Variants in ZNF831 observed in about 807,000 individuals in gnomAD.
The protein encoded by ZNF831 is zinc finger protein 831, also known as chromosome 20 open reading frame 174.
Under a neutral mutation model 95.8 loss-of-function variants are expected in ZNF831, and 59 were observed. The observed-to-expected ratio is 0.62, with a 90% confidence interval of 0.50 to 0.77. The LOEUF is 0.77. ZNF831 is among the 30% of genes least tolerant of loss of function. The pLI is 0.00. For synonymous variants in ZNF831, 961 were observed against 925.5 expected, an observed-to-expected ratio of 1.04 and a Z score of -0.70; for missense variants, 2,205 against 2,164.0, an observed-to-expected ratio of 1.02 and a Z score of -0.38.
chr20:59,133,527 C>G (rs542312658), intron 1 of ZNF831, among the ~76,000 whole-genome samples: 138 of 152,320 alleles, frequency 9.1e-4, no homozygotes, highest in African/African-American at 3.2e-3. Context: ...TGGCCCTGCC[C>G]ATGGGCAGAA....
chr20:59,223,674 A>G (rs1301913688), intron 4 of ZNF831, among the ~76,000 whole-genome samples: 1 of 152,212 alleles, frequency 6.6e-6, no homozygotes, highest in Non-Finnish European at 1.5e-5. Flanking sequence ...AAATATATCT[A>G]GAATTTGAAA....
intron 1 of ZNF831, among the ~76,000 whole-genome samples, chr20:59,130,153 G>A (rs1029207062): frequency 1.3e-5 from 2 of 152,138 alleles, no homozygotes; most frequent in African/African-American, 4.8e-5. Context: ...CTGGCACTTG[G>A]TAAGAAGCTG....
At chr20:59,226,768 T>G (rs914364434) in intron 4 of ZNF831, among the ~76,000 whole-genome samples, 10 of 151,874 alleles carry the variant, frequency 6.6e-5, no homozygotes, top group African/African-American at 2.4e-4. Flanking sequence ...AGCATGCATC[T>G]TTGATAATGT....
At chr20:59,167,496 T>A (rs975268584) in intron 1 of ZNF831, among the ~76,000 whole-genome samples, 2 of 152,188 alleles carry the variant, frequency 1.3e-5, no homozygotes, top group Admixed American at 1.3e-4. Flanking sequence ...TCATACTTTT[T>A]GTTTCAAGTC....
intron 2 of ZNF831, among the ~76,000 whole-genome samples, chr20:59,156,103 G>A (rs1441765096): frequency 6.6e-6 from 1 of 152,218 alleles, no homozygotes; most frequent in Non-Finnish European, 1.5e-5. Flanking sequence ...TATGACTTTA[G>A]GGATAAGTAT....
Position 59,225,097 on chromosome 20 carries a change from T to C in ZNF831, c.4027+18041T>C, listed in dbSNP as rs528031312. ...TTTAATTTCAATTAATCTGGATTCATTTAAGTAATATTCCATTATAGGTTC... is the reference window on the plus strand; with the variant it reads ...TTTAATTTCAATTAATCTGGATTCACTTAAGTAATATTCCATTATAGGTTC... On this transcript the variant is annotated intron_variant, in intron 4 of 5. Transcript: ENST00000371030. Among the ~76,000 whole-genome samples the C allele has an allele frequency of 8.5e-5, 13 of 152,368 alleles. No individual in the cohort carries two copies. In the South Asian group the frequency reaches 2.7e-3, roughly 32 times the overall value.
At chr20:59,139,193 A>G (rs1320476686) in intron 1 of ZNF831, among the ~76,000 whole-genome samples, 1 of 152,180 alleles carries the variant, frequency 6.6e-6, no homozygotes, top group African/African-American at 2.4e-5. Flanking sequence ...AGGTTCATCC[A>G]ACTTGCTGGG....
chr20:59,239,789 C>A (rs1987218173), intron 4 of ZNF831, among the ~76,000 whole-genome samples: 2 of 152,222 alleles, frequency 1.3e-5, no homozygotes, highest in South Asian at 4.1e-4. Context: ...AGGCGATCCG[C>A]CCACCTTGGC....
At chr20:59,134,797 G>T (rs2146438892) in intron 1 of ZNF831, among the ~76,000 whole-genome samples, 1 of 152,240 alleles carries the variant, frequency 6.6e-6, no homozygotes, top group Admixed American at 6.5e-5. Flanking sequence ...TCTCAACTTT[G>T]CTTCTTACTA....
rs750556952 is a variant in ZNF831, at chr20:59,254,654, A to T, written c.4945A>T (p.Arg1649Trp). 3 of 1,614,022 alleles carry T rather than the reference A, an allele frequency of 1.9e-6. No individual in the cohort carries two copies. In the South Asian group the frequency reaches 3.3e-5, roughly 18 times the overall value. Residue 1649 changes from arginine (R) to tryptophan (W), a missense_variant, in exon 6 of 6, where the codon AGG becomes TGG. Physicochemically the swap from Arg to Trp is moderately radical, Grantham distance 101. Coordinates refer to ENST00000371030, the MANE Select transcript of ZNF831 (RefSeq NM_178457.3). The surrounding 1 kb of genome is among the most constrained non-coding windows in gnomAD (Gnocchi z 4.5). Reference sequence around the variant, plus strand: ...AGCCCCTTCTAAATCCCTCAAGAAGAGGAGTCTGGAAGGAATGAGAAAGCA... The same window carrying T: ...AGCCCCTTCTAAATCCCTCAAGAAGTGGAGTCTGGAAGGAATGAGAAAGCA... The part of the protein sequence containing the change: ...PEAPSKSLKK[R>W]SLEGMRKQTR...
At chr20:59,189,535 A>T (rs969219667) in intron 1 of ZNF831, among the ~76,000 whole-genome samples, 1 of 152,120 alleles carries the variant, frequency 6.6e-6, no homozygotes, top group South Asian at 2.1e-4. Context: ...TTTTTGAGAC[A>T]GAGTTTCACT....
Position 59,169,954 on chromosome 20 carries a change from T to C in ZNF831, c.-37+5747T>C, listed in dbSNP as rs1981592791. ...GTCCAAGAAAAAGCTCTTTCTTTCATTGATTTTCTCTATTATTTTTCTGTT... is the reference window on the plus strand; with the variant it reads ...GTCCAAGAAAAAGCTCTTTCTTTCACTGATTTTCTCTATTATTTTTCTGTT... On this transcript the variant is annotated intron_variant, in intron 1 of 5. Coordinates refer to ENST00000371030, the MANE Select transcript of ZNF831 (RefSeq NM_178457.3). The surrounding 1 kb of genome is among the most constrained non-coding windows in gnomAD (Gnocchi z 4.1). 6.6e-6 allele frequency among the ~76,000 whole-genome samples: 1 copy of C among 152,038 alleles called. No homozygotes were observed. The highest frequency in any genetic ancestry group is 2.4e-5 in the African/African-American group (1 of 41,388).
chr20:59,203,671 GT>G (rs944383339), intron 3 of ZNF831, among the ~76,000 whole-genome samples: 16 of 152,094 alleles, frequency 1.1e-4, no homozygotes, highest in Admixed American at 9.8e-4. Context: ...TATACTTGAA[GT>G]TTTTTTCAGG....
At position 59,254,969 on chromosome 20, in the gene ZNF831, C is replaced by T. The variant is rs1988110599; in HGVS notation, c.*226C>T. The T allele has an allele frequency of 2.0e-6, 1 of 505,674 alleles. No homozygotes were observed. The highest frequency in any genetic ancestry group is 3.4e-6 in the Non-Finnish European group (1 of 290,428). 31.3% of individuals were successfully genotyped at this position (505,674 alleles called of 1,614,324 possible). A position where few individuals can be genotyped will look rare whatever the true frequency, so the allele number is the denominator to read the frequency against. On this transcript the variant is annotated 3_prime_UTR_variant, in exon 6 of 6. Coordinates refer to ENST00000371030, the MANE Select transcript of ZNF831 (RefSeq NM_178457.3). This position sits in a 1 kb window ranked among gnomAD's most constrained non-coding sequence, Gnocchi z 4.5. ...TGCTCTGCTCATCTTCAAATGGTGCCAGGCAGGGCAGACATGGCAAGGAAG... is the reference window on the plus strand; with the variant it reads ...TGCTCTGCTCATCTTCAAATGGTGCTAGGCAGGGCAGACATGGCAAGGAAG...
upstream of ZNF831, chr20:59,160,393 G>A (rs78302204): frequency 0.089 from 13,598 of 152,272 alleles, 739 homozygotes; most frequent in Non-Finnish European, 0.12. Context: ...CAGGGGGCTT[G>A]TCTCATGGAC....
intron 4 of ZNF831, among the ~76,000 whole-genome samples, chr20:59,224,401 G>A (rs1046580011): frequency 2.6e-5 from 4 of 151,992 alleles, no homozygotes; most frequent in East Asian, 1.9e-4. Flanking sequence ...GTGGGGGGGC[G>A]CCTCTTCTGC....
chr20:59,139,889 G>A (rs1979623131), intron 1 of ZNF831, among the ~76,000 whole-genome samples: 1 of 152,186 alleles, frequency 6.6e-6, no homozygotes, highest in Admixed American at 6.5e-5. Context: ...GAATTGAACA[G>A]TGATTCAGAA....
chr20:59,182,593 A>G (rs1052813215), intron 1 of ZNF831, among the ~76,000 whole-genome samples: 1 of 152,066 alleles, frequency 6.6e-6, no homozygotes, highest in African/African-American at 2.4e-5. Context: ...CCTTCCACAC[A>G]TCTGCAACCG....
intron 1 of ZNF831, among the ~76,000 whole-genome samples, chr20:59,176,000 G>A (rs545277706): frequency 6.6e-6 from 1 of 152,350 alleles, no homozygotes; most frequent in African/African-American, 2.4e-5. Context: ...AAGGATAGTA[G>A]CACTGGCTTT....
Sources: gnomAD v4.1 joint callset for allele counts (sites outside exome capture counted in the v4.1 genomes callset) on GRCh38, gnomAD v4.1.1 for gene constraint, Gnocchi (gnomAD v3.1) non-coding constraint, MANE v1.5 for transcripts, NCBI Gene and HGNC (gene_info 2026-07-23, HGNC 2026-07-21) for gene names.